Variants in ARHGAP15 observed in about 807,000 individuals in gnomAD.
The protein encoded by ARHGAP15 is Rho GTPase activating protein 15, also known as rho GTPase-activating protein 15.
A neutral mutation model predicts 63.7 loss-of-function variants in ARHGAP15; 51 were observed. The ratio of observed to expected loss-of-function variants is 0.80; its 90% confidence interval spans 0.64 to 1.01. The LOEUF is 1.01. Among genes scored for constraint, ARHGAP15 ranks in the 50% least tolerant of loss-of-function variants. The pLI, the probability that ARHGAP15 is intolerant of heterozygous loss-of-function variation, is 0.00. For missense variants in ARHGAP15, 560 were observed against 564.6 expected (o/e 0.99, Z 0.08); for synonymous variants, 191 against 193.8 (o/e 0.99, Z 0.12).
intron 9 of ARHGAP15, among the ~76,000 whole-genome samples, chr2:143,494,086 C>T (rs1335540855): frequency 6.6e-6 from 1 of 151,990 alleles, no homozygotes; most frequent in East Asian, 1.9e-4. Context: ...TTCTGCTTGG[C>T]CCTTAATTTT....
intron 13 of ARHGAP15, among the ~76,000 whole-genome samples, chr2:143,744,732 T>A (rs1292309562): frequency 1.3e-4 from 20 of 152,338 alleles, no homozygotes; most frequent in Non-Finnish European, 1.5e-5. Context: ...ATCTTTTTAA[T>A]CATTGAGAGA....
intron 6 of ARHGAP15, among the ~76,000 whole-genome samples, chr2:143,326,664 G>A (rs183221414): frequency 6.6e-6 from 1 of 152,164 alleles, no homozygotes; most frequent in African/African-American, 2.4e-5. Flanking sequence ...TTATTTCTGA[G>A]TGTATGCATT....
intron 12 of ARHGAP15, among the ~76,000 whole-genome samples, chr2:143,678,726 A>G (rs1386653364): frequency 6.6e-6 from 1 of 152,238 alleles, no homozygotes; most frequent in East Asian, 1.9e-4. Context: ...ACTTTTGATA[A>G]GATCATTTAT....
chr2:143,580,762 A>AT (rs778902904), intron 11 of ARHGAP15, among the ~76,000 whole-genome samples: 9 of 152,062 alleles, frequency 5.9e-5, no homozygotes, highest in Admixed American at 2.0e-4. Context: ...AATATATGTA[A>AT]TTTTCCCTTT....
At chr2:143,147,811 C>A (rs1283958898) in intron 1 of ARHGAP15, among the ~76,000 whole-genome samples, 1 of 151,924 alleles carries the variant, frequency 6.6e-6, no homozygotes, top group Non-Finnish European at 1.5e-5. Context: ...TCACAGGGTG[C>A]CCTTTTCATA....
At chr2:143,363,183 A>C (rs1686137332) in intron 6 of ARHGAP15, among the ~76,000 whole-genome samples, 1 of 151,984 alleles carries the variant, frequency 6.6e-6, no homozygotes, top group African/African-American at 2.4e-5. Context: ...GTCTTCATTC[A>C]TTTTTTTGGA....
intron 6 of ARHGAP15, among the ~76,000 whole-genome samples, chr2:143,408,550 C>T (rs974792431): frequency 6.6e-6 from 1 of 151,662 alleles, no homozygotes; most frequent in Non-Finnish European, 1.5e-5. Context: ...TAGAACTCCC[C>T]CACTCATTAT....
intron 6 of ARHGAP15, among the ~76,000 whole-genome samples, chr2:143,305,037 T>C (rs1683104837): frequency 6.6e-6 from 1 of 152,114 alleles, no homozygotes; most frequent in East Asian, 1.9e-4. Flanking sequence ...ATATGTCTAT[T>C]GTGGCACTGC....
intron 10 of ARHGAP15, among the ~76,000 whole-genome samples, chr2:143,539,103 C>A (rs985564216): frequency 9.2e-5 from 14 of 152,152 alleles, no homozygotes; most frequent in African/African-American, 2.9e-4. Flanking sequence ...CTGGTTTAGT[C>A]TTGGGAGGGT....
chr2:143,151,033 A>G (rs1456504413), intron 1 of ARHGAP15, among the ~76,000 whole-genome samples: 1 of 152,054 alleles, frequency 6.6e-6, no homozygotes, highest in East Asian at 1.9e-4. Flanking sequence ...ACAGAATATA[A>G]TTTAAGATTC....
intron 6 of ARHGAP15, among the ~76,000 whole-genome samples, chr2:143,417,941 C>T (rs1316744825): frequency 6.6e-6 from 1 of 152,096 alleles, no homozygotes; most frequent in African/African-American, 2.4e-5. Context: ...AACCTGGATC[C>T]ACAATTGGAT....
At chr2:143,507,364 A>G (rs1206844226) in intron 9 of ARHGAP15, among the ~76,000 whole-genome samples, 3 of 152,190 alleles carry the variant, frequency 2.0e-5, no homozygotes, top group Admixed American at 6.5e-5. Flanking sequence ...GAAGCTGGAC[A>G]TGAAATCTTG....
In ARHGAP15 at chr2:143,175,195, T is replaced by A. The variant is rs547586750; in HGVS notation, c.165+19540T>A. Among the ~76,000 whole-genome samples the A allele has an allele frequency of 9.2e-5, 14 of 152,126 alleles. No individual in the cohort carries two copies. The South Asian group carries it at 2.7e-3, about 29-fold the overall frequency. Reference sequence around the variant, plus strand: ...TGCACCTCAAGGGCTCCTAAACCAATGAACTGAGAGTCTTGGGAAGACTCT... The same window carrying A: ...TGCACCTCAAGGGCTCCTAAACCAAAGAACTGAGAGTCTTGGGAAGACTCT... On this transcript the variant is annotated intron_variant, in intron 2 of 13. Transcript: ENST00000295095.
chr2:143,667,582 TAAAAAAAAAA>T (rs71338146), intron 12 of ARHGAP15, among the ~76,000 whole-genome samples: 1 of 138,950 alleles, frequency 7.2e-6, no homozygotes, highest in Non-Finnish European at 1.5e-5. Flanking sequence ...TAAAAAAAAT[TAAAAAAAAAA>T]AAAAAAAAAA....
chr2:143,155,276 T>C (rs1690032150), intron 1 of ARHGAP15, among the ~76,000 whole-genome samples: 1 of 151,918 alleles, frequency 6.6e-6, no homozygotes, highest in Admixed American at 6.6e-5. Flanking sequence ...TCCTCTGTTA[T>C]GTATAGTGCT....
intron 6 of ARHGAP15, among the ~76,000 whole-genome samples, chr2:143,396,732 T>C (rs1687778431): frequency 6.6e-6 from 1 of 151,940 alleles, no homozygotes; most frequent in Admixed American, 6.6e-5. Context: ...CTGTCGCTCA[T>C]CTAGATGCAC....
intron 9 of ARHGAP15, among the ~76,000 whole-genome samples, chr2:143,517,244 GC>G (rs1407701917): frequency 6.6e-6 from 1 of 152,118 alleles, no homozygotes; most frequent in Non-Finnish European, 1.5e-5. Flanking sequence ...ACCATGCCCG[GC>G]CTGGAGTATA....
chr2:143,556,457 A>G lies in ARHGAP15; in HGVS notation c.975A>G (p.Ile325Met), dbSNP rs1559048989. 1.2e-6 allele frequency: 2 copies of G among 1,612,196 alleles called. No individual in the cohort carries two copies. The highest frequency in any genetic ancestry group is 1.7e-6 in the Non-Finnish European group (2 of 1,178,934). ...GAGTTAGTGGCAATCTGGCAACAAT[A>G]CAGAAGTTAAGATTTATTGTCAACC... The part of the protein sequence containing the change: ...IYRVSGNLAT[I>M]QKLRFIVNQE... The change falls in exon 11 of 14, where the codon ATA (isoleucine) becomes ATG (methionine). Residue 325 changes from isoleucine (I) to methionine (M), a missense_variant. Transcript: ENST00000295095.
chr2:143,673,773 T>TATACATATATATATATATATACAC (rs1553520623), intron 12 of ARHGAP15, among the ~76,000 whole-genome samples: 2 of 102,280 alleles, frequency 2.0e-5, no homozygotes, highest in African/African-American at 7.1e-5. Context: ...TATATATATA[T>TATACATATATATATATATATACAC]ATATATATAT....
Sources: allele counts gnomAD v4.1 joint callset (sites outside exome capture counted in the v4.1 genomes callset), GRCh38; gene constraint gnomAD v4.1.1; transcripts MANE v1.5; gene names NCBI Gene and HGNC (gene_info 2026-07-23, HGNC 2026-07-21).